The following MYO3A variants were observed in gnomAD, a reference collection of about 807,000 sequenced individuals.
MYO3A encodes myosin IIIA.
A neutral mutation model predicts 192.7 loss-of-function variants in MYO3A; 180 were observed. The observed-to-expected ratio is 0.93, with a 90% confidence interval of 0.83 to 1.06. The LOEUF is 1.06. MYO3A is among the 50% of genes least tolerant of loss of function. The pLI, the probability that MYO3A is intolerant of heterozygous loss-of-function variation, is 0.00. For synonymous variants in MYO3A, 628 were observed against 645.3 expected (o/e 0.97, Z 0.41); for missense variants, 1,896 against 1,905.0 (o/e 1.00, Z 0.09).
chr10:26,205,608 CTTTTTTTTTT>C (rs576007724), intron 34 of MYO3A, among the ~76,000 whole-genome samples: 4 of 68,628 alleles, frequency 5.8e-5, no homozygotes, highest in African/African-American at 2.6e-4. Flanking sequence ...CTTTTCTTTT[CTTTTTTTTTT>C]TTTTTTTTTT....
intron 31 of MYO3A, among the ~76,000 whole-genome samples, chr10:26,189,691 T>A: frequency 6.6e-6 from 1 of 152,208 alleles, no homozygotes. Context: ...GTCAGAAGTT[T>A]AACTTGATGA....
At chr10:26,054,340 C>T (rs1844190806) in intron 10 of MYO3A, among the ~76,000 whole-genome samples, 1 of 152,082 alleles carries the variant, frequency 6.6e-6, no homozygotes, top group Non-Finnish European at 1.5e-5. Flanking sequence ...ATGGAGAGCA[C>T]AATATTGTTT....
At chr10:26,123,617 G>A (rs1263131439) in intron 18 of MYO3A, among the ~76,000 whole-genome samples, 1 of 152,166 alleles carries the variant, frequency 6.6e-6, no homozygotes, top group Non-Finnish European at 1.5e-5. Context: ...TTGAAGAGCA[G>A]TTAAATAGTA....
Position 26,068,898 on chromosome 10 carries a change from G to A in MYO3A, c.1170+14G>A. On this transcript the variant is annotated intron_variant, in intron 12 of 34. Coordinates refer to ENST00000642920, the MANE Select transcript of MYO3A (RefSeq NM_017433.5). ...TACTCCACAAAGGTATGTCGTATGG[G>A]GTGCATTCTGTTACTTCATACACAT... The A allele has an allele frequency of 2.8e-6, 4 of 1,452,832 alleles. No homozygotes were observed. The highest frequency in any genetic ancestry group is 1.4e-5 in the African/African-American group (1 of 71,680). The allele number at this position is 1,452,832 out of a possible 1,614,324, so 90.0% of individuals were successfully genotyped here. A position where few individuals can be genotyped will look rare whatever the true frequency, so the allele number is the denominator to read the frequency against.
Position 26,024,091 on chromosome 10 carries a change from A to T in MYO3A, c.797+4A>T. ...AATTCAATGACTTCATAAGCAAGTG[A>T]GTAAAAACAGTCTTTTAAAAAACCA... On this transcript the variant is annotated splice_donor_region_variant and intron_variant, in intron 9 of 34. Transcript: ENST00000642920. 1 of 1,610,900 alleles carries T rather than the reference A, an allele frequency of 6.2e-7. No individual in the cohort carries two copies. Among genetic ancestry groups the T allele is most frequent in the South Asian group, 1.1e-5 (1 of 91,020 alleles).
chr10:26,116,491 A>T (rs933581268), intron 17 of MYO3A, among the ~76,000 whole-genome samples: 21 of 152,292 alleles, frequency 1.4e-4, no homozygotes, highest in African/African-American at 4.3e-4. Flanking sequence ...CCTATTTCCA[A>T]ATAAGACCAC....
At chr10:26,062,530 A>AAAAAACAAAAAAAACAAAAAAACACG (rs1554816581) in intron 10 of MYO3A, among the ~76,000 whole-genome samples, 1 of 125,946 alleles carries the variant, frequency 7.9e-6, no homozygotes, top group South Asian at 2.4e-4. Context: ...AAAAAAAAAA[A>AAAAAACAAAAAAAACAAAAAAACACG]AAATTATGGA....
At chr10:26,044,488 G>A (rs1242570654) in intron 10 of MYO3A, among the ~76,000 whole-genome samples, 1 of 152,154 alleles carries the variant, frequency 6.6e-6, no homozygotes, top group Admixed American at 6.5e-5. Flanking sequence ...GGCTAGGGCT[G>A]GTTTAAATAC....
intron 20 of MYO3A, among the ~76,000 whole-genome samples, chr10:26,140,879 A>G (rs1840120677): frequency 6.6e-6 from 1 of 152,142 alleles, no homozygotes. Flanking sequence ...TAATACAGTT[A>G]GTAACTCTGC....
chr10:26,114,844 A>T (rs1838405549), intron 17 of MYO3A, among the ~76,000 whole-genome samples: 1 of 152,230 alleles, frequency 6.6e-6, no homozygotes, highest in South Asian at 2.1e-4. Context: ...ACTAGGCATC[A>T]TTTCAATAAA....
chr10:26,029,949 C>T (rs1197577881), intron 10 of MYO3A, among the ~76,000 whole-genome samples: 2 of 151,770 alleles, frequency 1.3e-5, no homozygotes, highest in African/African-American at 2.4e-5. Flanking sequence ...TTCAAGATTC[C>T]CCAGGGCCCA....
intron 3 of MYO3A, among the ~76,000 whole-genome samples, chr10:25,954,525 G>A (rs544917724): frequency 6.6e-6 from 1 of 151,958 alleles, no homozygotes; most frequent in African/African-American, 2.4e-5. Flanking sequence ...ATTATTTCAG[G>A]TCAATGGCTT....
chr10:25,960,861 G>T (rs1270907126), intron 4 of MYO3A, among the ~76,000 whole-genome samples: 1 of 151,962 alleles, frequency 6.6e-6, no homozygotes, highest in Non-Finnish European at 1.5e-5. Context: ...GTTGTTTAAG[G>T]GTCAACTGCA....
chr10:26,164,894 C>G (rs11014980), intron 26 of MYO3A, among the ~76,000 whole-genome samples: 1 of 152,052 alleles, frequency 6.6e-6, no homozygotes, highest in African/African-American at 2.4e-5. Flanking sequence ...AATGCAGAGT[C>G]GCCGCTACTG....
At chr10:26,110,669 A>G (rs1458172031) in intron 17 of MYO3A, among the ~76,000 whole-genome samples, 3 of 152,252 alleles carry the variant, frequency 2.0e-5, no homozygotes, top group South Asian at 4.2e-4. Context: ...AGAACTTATC[A>G]TGGATACCTC....
At chr10:26,027,533 C>T (rs564278109) in intron 10 of MYO3A, among the ~76,000 whole-genome samples, 19 of 152,060 alleles carry the variant, frequency 1.2e-4, no homozygotes, top group Middle Eastern at 3.4e-3. Context: ...TTAGTATAGA[C>T]GAGGTTCTGC....
chr10:26,020,139 A>G (rs1303811875), intron 7 of MYO3A, among the ~76,000 whole-genome samples: 3 of 152,132 alleles, frequency 2.0e-5, no homozygotes, highest in African/African-American at 7.2e-5. Context: ...TGGTCTTCTT[A>G]TTTGCCCATA....
intron 31 of MYO3A, among the ~76,000 whole-genome samples, chr10:26,189,048 G>A (rs1371399055): frequency 6.6e-6 from 1 of 151,932 alleles, no homozygotes; most frequent in East Asian, 1.9e-4. Flanking sequence ...GCTTGATGGG[G>A]ATGGCATTGA....
intron 21 of MYO3A, among the ~76,000 whole-genome samples, chr10:26,145,051 C>G (rs140504388): frequency 8.9e-4 from 136 of 152,160 alleles, no homozygotes; most frequent in African/African-American, 3.2e-3. Context: ...TGGTGTCGGG[C>G]TCCTGTAATC....
Sources: gnomAD v4.1 joint callset for allele counts (sites outside exome capture counted in the v4.1 genomes callset) on GRCh38, gnomAD v4.1.1 for gene constraint, MANE v1.5 for transcripts, NCBI Gene and HGNC (gene_info 2026-07-23, HGNC 2026-07-21) for gene names.